The following AKAP6 variants were observed in gnomAD, a reference collection of about 807,000 sequenced individuals.
AKAP6 encodes the protein A-kinase anchor protein 6.
Under a neutral mutation model 188.5 loss-of-function variants are expected in AKAP6, and 58 were observed. The ratio of observed to expected loss-of-function variants is 0.31; its 90% CI spans 0.25 to 0.38. The LOEUF is 0.38. Ranked by LOEUF, AKAP6 falls within the 10% of genes least tolerant of loss-of-function variation. AKAP6 has a pLI of 1.00. For missense variants in AKAP6, 2,710 were observed against 2,740.0 expected (o/e 0.99, Z 0.24); for synonymous variants, 989 against 998.6 (o/e 0.99, Z 0.18).
intron 7 of AKAP6, among the ~76,000 whole-genome samples, chr14:32,649,165 G>A (rs1888106055): frequency 6.6e-6 from 1 of 151,760 alleles, no homozygotes; most frequent in African/African-American, 2.4e-5. Flanking sequence ...TTTTTCATCT[G>A]GGGGAATAAG....
intron 7 of AKAP6, among the ~76,000 whole-genome samples, chr14:32,653,815 A>C (rs1253793963): frequency 6.6e-6 from 1 of 152,190 alleles, no homozygotes; most frequent in Admixed American, 6.5e-5. Context: ...AGGGCAAATA[A>C]AATATTGCCT....
At chr14:32,361,563 A>C (rs557940050) in intron 1 of AKAP6, among the ~76,000 whole-genome samples, 289 of 152,314 alleles carry the variant, frequency 1.9e-3, no homozygotes, top group Non-Finnish European at 3.5e-3. Flanking sequence ...GATTTTGCTA[A>C]GTATGATATG....
chr14:32,667,098 G>A (rs1468749580), intron 7 of AKAP6, among the ~76,000 whole-genome samples: 2 of 152,002 alleles, frequency 1.3e-5, no homozygotes, highest in African/African-American at 4.8e-5. Context: ...AAAGCTCTTT[G>A]TTTTGAGGGT....
In AKAP6 at chr14:32,484,800, T is replaced by C; in HGVS notation, c.325-50754T>C. The C allele has an allele frequency of 9.2e-6, 2 of 217,346 alleles. 1 individual carries two copies. The highest frequency in any genetic ancestry group is 1.3e-5 in the Non-Finnish European group (2 of 149,456). 13.5% of individuals were successfully genotyped at this position (217,346 alleles called of 1,614,324 possible). A position where few individuals can be genotyped will look rare whatever the true frequency, so the allele number is the denominator to read the frequency against. ...GAGAACAATCAACGGTCGGCGAACATCAGTGGGATAAGGTAAAATGGCTGA... is the reference window on the plus strand; with the variant it reads ...GAGAACAATCAACGGTCGGCGAACACCAGTGGGATAAGGTAAAATGGCTGA... On this transcript the variant is annotated intron_variant, in intron 2 of 13. Coordinates refer to ENST00000280979, the MANE Select transcript of AKAP6 (RefSeq NM_004274.5).
intron 12 of AKAP6, among the ~76,000 whole-genome samples, chr14:32,776,395 G>A (rs543374177): frequency 9.2e-4 from 140 of 152,238 alleles, no homozygotes; most frequent in African/African-American, 3.1e-3. Context: ...TCTCTTGTCT[G>A]CTGCCATGTA....
At chr14:32,394,260 T>C (rs924617377) in intron 1 of AKAP6, among the ~76,000 whole-genome samples, 2 of 152,164 alleles carry the variant, frequency 1.3e-5, no homozygotes, top group Non-Finnish European at 1.5e-5. Flanking sequence ...TGATTGAACA[T>C]CCATGATGTG....
At position 32,829,662 on chromosome 14, in the gene AKAP6, C is replaced by A. The variant is rs186093436; in HGVS notation, c.*43-186C>A. On this transcript the variant is annotated intron_variant, in intron 13 of 13. Coordinates refer to ENST00000280979, the MANE Select transcript of AKAP6 (RefSeq NM_004274.5). ...TGTATTTTTCACATCTACGCTGAGACTTTTTTTGTCAGTAATGTGAAGCTT... is the reference window on the plus strand; with the variant it reads ...TGTATTTTTCACATCTACGCTGAGAATTTTTTTGTCAGTAATGTGAAGCTT... Among the ~76,000 whole-genome samples the A allele has an allele frequency of 5.6e-4, 85 of 151,352 alleles. 1 individual carries two copies. In the East Asian group the frequency reaches 0.015, roughly 27 times the overall value.
At chr14:32,615,672 T>C (rs1265687702) in intron 7 of AKAP6, among the ~76,000 whole-genome samples, 1 of 147,858 alleles carries the variant, frequency 6.8e-6, no homozygotes, top group East Asian at 2.0e-4. Context: ...ATCTGCTCAC[T>C]GCAAGCTCCG....
At chr14:32,390,329 C>T (rs1888669283) in intron 1 of AKAP6, among the ~76,000 whole-genome samples, 2 of 152,174 alleles carry the variant, frequency 1.3e-5, no homozygotes, top group Non-Finnish European at 2.9e-5. Flanking sequence ...AATAACTAAC[C>T]TCCTGAATTC....
At chr14:32,543,144 T>C (rs1234215704) in intron 3 of AKAP6, among the ~76,000 whole-genome samples, 1 of 152,190 alleles carries the variant, frequency 6.6e-6, no homozygotes, top group Non-Finnish European at 1.5e-5. Context: ...CCAGAACTTA[T>C]TCCTCCTATC....
intron 2 of AKAP6, among the ~76,000 whole-genome samples, chr14:32,519,321 C>T (rs767753525): frequency 9.2e-5 from 14 of 152,276 alleles, no homozygotes; most frequent in Middle Eastern, 3.4e-3. Context: ...ATCATAATGA[C>T]AGGATGAAAT....
At chr14:32,754,350 T>C (rs1310454345) in intron 11 of AKAP6, among the ~76,000 whole-genome samples, 2 of 152,170 alleles carry the variant, frequency 1.3e-5, no homozygotes, top group Non-Finnish European at 2.9e-5. Flanking sequence ...CAACTGATGT[T>C]AACAGCTTAA....
intron 7 of AKAP6, among the ~76,000 whole-genome samples, chr14:32,613,462 A>G (rs1886434517): frequency 1.3e-5 from 2 of 152,174 alleles, no homozygotes; most frequent in Admixed American, 1.3e-4. Flanking sequence ...TTGAGGGGCT[A>G]TGCATTTTGA....
In AKAP6 at chr14:32,577,247, G is replaced by A; in HGVS notation, c.2469+5G>A. 6.2e-7 allele frequency: 1 copy of A among 1,607,774 alleles called. No homozygotes were observed. Among genetic ancestry groups the A allele is most frequent in the East Asian group, 2.2e-5 (1 of 44,662 alleles). On this transcript the variant is annotated splice_donor_5th_base_variant and intron_variant, in intron 5 of 13. Transcript: ENST00000280979. ...CTGTATCTGGAGACACACTTGGTAG[G>A]CAAGATTGTGTTGTTCTTGCTGTCA... is the stretch of plus-strand genomic sequence containing the variant.
At chr14:32,354,344 T>C (rs1490910426) in intron 1 of AKAP6, among the ~76,000 whole-genome samples, 1 of 151,994 alleles carries the variant, frequency 6.6e-6, no homozygotes, top group Non-Finnish European at 1.5e-5. Context: ...ACCTGTTCCC[T>C]GCTCTGCCAC....
intron 1 of AKAP6, among the ~76,000 whole-genome samples, chr14:32,362,924 A>C (rs964058351): frequency 6.6e-6 from 1 of 152,174 alleles, no homozygotes; most frequent in Non-Finnish European, 1.5e-5. Context: ...GCTGGAGAGC[A>C]GTAGAGAGAG....
intron 2 of AKAP6, among the ~76,000 whole-genome samples, chr14:32,526,664 G>A (rs1882146344): frequency 6.6e-6 from 1 of 152,208 alleles, no homozygotes; most frequent in African/African-American, 2.4e-5. Context: ...GCAGGTGTGA[G>A]CCACCATGTT....
chr14:32,811,241 G>GAAAAAAAAAAAAAAAAAAAAAAAAA (rs529886144), intron 12 of AKAP6, among the ~76,000 whole-genome samples: 4 of 55,590 alleles, frequency 7.2e-5, no homozygotes, highest in South Asian at 9.0e-4. Context: ...TCCGTCTCAG[G>GAAAAAAAAAAAAAAAAAAAAAAAAA]AAAAAAAAAA....
At chr14:32,566,050 G>A (rs551955591) in intron 4 of AKAP6, among the ~76,000 whole-genome samples, 1 of 152,224 alleles carries the variant, frequency 6.6e-6, no homozygotes, top group Admixed American at 6.5e-5. Flanking sequence ...GTATGGTCTC[G>A]GCACCTGTAG....
Sources: gnomAD v4.1 joint callset for allele counts (sites outside exome capture counted in the v4.1 genomes callset) on GRCh38, gnomAD v4.1.1 for gene constraint, MANE v1.5 for transcripts, NCBI Gene and HGNC (gene_info 2026-07-23, HGNC 2026-07-21) for gene names.